ZMAT4: variants seen among roughly 807,000 people sequenced by gnomAD.
ZMAT4 encodes the protein zinc finger matrin-type 4.
Under a neutral mutation model 28.7 loss-of-function variants are expected in ZMAT4, and 17 were observed. The observed-to-expected ratio is 0.59, with a 90% CI of 0.41 to 0.89. The LOEUF (loss-of-function observed/expected upper bound fraction) is 0.89. Among genes scored for constraint, ZMAT4 ranks in the 40% least tolerant of loss-of-function variants. The pLI is 0.00. For missense variants in ZMAT4, 240 were observed against 283.8 expected, an observed-to-expected ratio of 0.85 and a Z score of 1.11; for synonymous variants, 117 against 109.2, an observed-to-expected ratio of 1.07 and a Z score of -0.44.
chr8:40,635,912 G>A (rs566358697), intron 5 of ZMAT4, among the ~76,000 whole-genome samples: 1 of 152,212 alleles, frequency 6.6e-6, no homozygotes, highest in Non-Finnish European at 1.5e-5. Context: ...AAGTTGGAGA[G>A]AGGAAAAGAT....
chr8:40,836,918 A>G (rs1816514462), intron 1 of ZMAT4, among the ~76,000 whole-genome samples: 1 of 152,248 alleles, frequency 6.6e-6, no homozygotes, highest in African/African-American at 2.4e-5. Context: ...ATCGGTAGAT[A>G]AATAGATAGA....
chr8:40,545,144 A>G (rs1467356348), intron 6 of ZMAT4, among the ~76,000 whole-genome samples: 1 of 152,042 alleles, frequency 6.6e-6, no homozygotes, highest in Non-Finnish European at 1.5e-5. Context: ...CCCACAAGGA[A>G]CCAAATCTTT....
intron 2 of ZMAT4, among the ~76,000 whole-genome samples, chr8:40,779,247 G>A (rs1431117404): frequency 6.6e-6 from 1 of 151,930 alleles, no homozygotes; most frequent in African/African-American, 2.4e-5. Flanking sequence ...CATGCTTTTT[G>A]CCTTCCACCA....
At chr8:40,644,609 T>C (rs1156479816) in intron 5 of ZMAT4, among the ~76,000 whole-genome samples, 1 of 152,160 alleles carries the variant, frequency 6.6e-6, no homozygotes, top group Non-Finnish European at 1.5e-5. Flanking sequence ...AAACCTCACA[T>C]GCAGAATTAT....
At chr8:40,539,230 A>G (rs1802949398) in intron 6 of ZMAT4, among the ~76,000 whole-genome samples, 1 of 152,202 alleles carries the variant, frequency 6.6e-6, no homozygotes, top group Non-Finnish European at 1.5e-5. Context: ...GCTACACATT[A>G]AAGGCCTGAC....
intron 2 of ZMAT4, among the ~76,000 whole-genome samples, chr8:40,773,155 T>C (rs1381773613): frequency 1.3e-5 from 2 of 152,210 alleles, no homozygotes; most frequent in African/African-American, 2.4e-5. Context: ...TCTTCTCTTA[T>C]TTGTCAGGGG....
chr8:40,723,844 T>C (rs1465987991), intron 3 of ZMAT4, among the ~76,000 whole-genome samples: 1 of 152,162 alleles, frequency 6.6e-6, no homozygotes, highest in Non-Finnish European at 1.5e-5. Context: ...AGGGGGACTG[T>C]GTCCCCTGCC....
intron 6 of ZMAT4, among the ~76,000 whole-genome samples, chr8:40,579,412 G>T (rs1804377379): frequency 6.6e-6 from 1 of 152,098 alleles, no homozygotes; most frequent in South Asian, 2.1e-4. Context: ...CAGCTTGGGG[G>T]GATGAGCAGT....
intron 6 of ZMAT4, 39 bp downstream of exon 6, chr8:40,581,126 A>T: frequency 6.5e-7 from 1 of 1,545,620 alleles, no homozygotes; most frequent in Non-Finnish European, 8.9e-7. Flanking sequence ...TAAAAATTAC[A>T]TCGAAGAAAC....
intron 3 of ZMAT4, among the ~76,000 whole-genome samples, chr8:40,715,529 T>G (rs1216044217): frequency 2.0e-5 from 3 of 152,244 alleles, no homozygotes; most frequent in Non-Finnish European, 4.4e-5. Flanking sequence ...CTTTGTCCTT[T>G]ATGAATTGTC....
chr8:40,740,259 A>T (rs1023236386), intron 3 of ZMAT4, among the ~76,000 whole-genome samples: 27 of 152,200 alleles, frequency 1.8e-4, no homozygotes, highest in Non-Finnish European at 4.4e-5. Context: ...TCCCACCAAC[A>T]TACAAAAGTG....
At chr8:40,745,613 G>A (rs1201145500) in intron 3 of ZMAT4, among the ~76,000 whole-genome samples, 1 of 152,148 alleles carries the variant, frequency 6.6e-6, no homozygotes, top group Non-Finnish European at 1.5e-5. Context: ...CAAGCACGAT[G>A]GCTCTGAGAG....
intron 6 of ZMAT4, among the ~76,000 whole-genome samples, chr8:40,577,786 A>T (rs949678463): frequency 6.6e-6 from 1 of 151,816 alleles, no homozygotes; most frequent in African/African-American, 2.4e-5. Context: ...GATTTTAATT[A>T]TTATTTAATT....
intron 5 of ZMAT4, among the ~76,000 whole-genome samples, chr8:40,631,133 A>C (rs1025827713): frequency 6.6e-6 from 1 of 152,022 alleles, no homozygotes; most frequent in East Asian, 1.9e-4. Flanking sequence ...GAGAGGTGGG[A>C]GGTGGGAAGG....
chr8:40,816,059 A>G (rs1008784178), intron 2 of ZMAT4, among the ~76,000 whole-genome samples: 1 of 152,174 alleles, frequency 6.6e-6, no homozygotes, highest in South Asian at 2.1e-4. Context: ...TACACAGTGC[A>G]CAGAGACAAT....
At chr8:40,573,868 C>A (rs906535524) in intron 6 of ZMAT4, among the ~76,000 whole-genome samples, 19 of 152,168 alleles carry the variant, frequency 1.2e-4, no homozygotes, top group African/African-American at 4.1e-4. Context: ...GTGTACAAGG[C>A]CACTGAGTGG....
chr8:40,834,588 C>G (rs1004104293), intron 1 of ZMAT4, among the ~76,000 whole-genome samples: 2 of 152,138 alleles, frequency 1.3e-5, no homozygotes, highest in African/African-American at 4.8e-5. Context: ...CAGTCTGCAG[C>G]AGGGAACAAG....
At chr8:40,543,178 A>T (rs1199187118) in intron 6 of ZMAT4, among the ~76,000 whole-genome samples, 2 of 152,232 alleles carry the variant, frequency 1.3e-5, no homozygotes, top group East Asian at 3.9e-4. Flanking sequence ...GCAGACGTCC[A>T]TATCCATTAC....
At chr8:40,698,303 TAAAA>T (rs1809984855) in intron 3 of ZMAT4, among the ~76,000 whole-genome samples, 1 of 152,106 alleles carries the variant, frequency 6.6e-6, no homozygotes, top group African/African-American at 2.4e-5. Context: ...CAGAAAAAAA[TAAAA>T]CCTTGGTCAG....
Sources: gnomAD v4.1 joint callset for allele counts (sites outside exome capture counted in the v4.1 genomes callset) on GRCh38, gnomAD v4.1.1 for gene constraint, MANE v1.5 for transcripts, NCBI Gene and HGNC (gene_info 2026-07-23, HGNC 2026-07-21) for gene names.